The following UBE2J1 variants were observed in gnomAD, a reference collection of about 807,000 sequenced individuals.
The protein encoded by UBE2J1 is ubiquitin-conjugating enzyme E2 J1.
A neutral mutation model predicts 42.1 loss-of-function variants in UBE2J1; 17 were observed. That is an observed-to-expected ratio of 0.40 (90% CI 0.28 to 0.61). The LOEUF (loss-of-function observed/expected upper bound fraction) is 0.61. Ranked by LOEUF, UBE2J1 falls within the 20% of genes least tolerant of loss-of-function variation. UBE2J1 has a pLI of 0.38. For missense variants in UBE2J1, 291 were observed against 389.4 expected (o/e 0.75, Z 2.13); for synonymous variants, 127 against 137.2 (o/e 0.93, Z 0.52).
At chr6:89,348,566 T>C (rs1768406192) in intron 1 of UBE2J1, among the ~76,000 whole-genome samples, 4 of 152,170 alleles carry the variant, frequency 2.6e-5, no homozygotes, top group African/African-American at 7.2e-5. Context: ...AGCAAATGCC[T>C]ACAGAGTGAT....
In UBE2J1 at chr6:89,328,650, A is replaced by G. The variant is rs1767950035; in HGVS notation, c.*1029T>C. 6.6e-6 allele frequency: 1 copy of G among 152,206 alleles called. No homozygotes were observed. The highest frequency in any genetic ancestry group is 2.1e-4 in the South Asian group (1 of 4,834). The allele number at this position is 152,206 out of a possible 1,614,324, so 9.4% of individuals were successfully genotyped here. On this transcript the variant is annotated 3_prime_UTR_variant, in exon 8 of 8. Transcript: ENST00000435041. ...GGCGCTAGCTAGCACTAAGTTATAT[A>G]TTGATTTTTCCACTGAAAATTCTTT...
intron 3 of UBE2J1, among the ~76,000 whole-genome samples, chr6:89,338,855 C>CGG (rs1272821094): frequency 2.0e-5 from 3 of 151,608 alleles, no homozygotes; most frequent in Non-Finnish European, 4.4e-5. Context: ...TTAGTAGAGA[C>CGG]GGGGTTTCAC....
At chr6:89,331,463 GATTT>G (rs1447685744) in intron 7 of UBE2J1, among the ~76,000 whole-genome samples, 4 of 152,024 alleles carry the variant, frequency 2.6e-5, no homozygotes, top group Admixed American at 6.6e-5. Flanking sequence ...TAAACTTCTT[GATTT>G]ATTTAATTGT....
intron 1 of UBE2J1, among the ~76,000 whole-genome samples, chr6:89,346,237 T>C (rs1188413291): frequency 6.6e-6 from 1 of 152,190 alleles, no homozygotes; most frequent in Non-Finnish European, 1.5e-5. Context: ...TTTCTTACTC[T>C]GAACTAAGCC....
rs6552 is a variant in UBE2J1, at chr6:89,328,249, T to A, written c.*1430A>T. 2 of 151,942 alleles carry A rather than the reference T, an allele frequency of 1.3e-5. No homozygotes were observed. Among genetic ancestry groups the A allele is most frequent in the African/African-American group, 2.4e-5 (1 of 41,350 alleles). The allele number at this position is 151,942 out of a possible 1,614,324, so 9.4% of individuals were successfully genotyped here. Reference sequence around the variant, plus strand: ...ATAAACAGGAGTAAAAATTAAATTTTCCTTTAAGACGATTTTACAATTATT... The same window carrying A: ...ATAAACAGGAGTAAAAATTAAATTTACCTTTAAGACGATTTTACAATTATT... On this transcript the variant is annotated 3_prime_UTR_variant, in exon 8 of 8. Transcript: ENST00000435041.
chr6:89,334,942 G>A (rs1386353247), intron 6 of UBE2J1, among the ~76,000 whole-genome samples: 1 of 152,130 alleles, frequency 6.6e-6, no homozygotes, highest in Admixed American at 6.6e-5. Flanking sequence ...GCACAAAGTG[G>A]TTAATTAATA....
At chr6:89,343,034 A>T (rs1326899448) in intron 2 of UBE2J1, among the ~76,000 whole-genome samples, 1 of 152,160 alleles carries the variant, frequency 6.6e-6, no homozygotes, top group Non-Finnish European at 1.5e-5. Flanking sequence ...AGACTGAGAG[A>T]GGCCGAGATG....
At chr6:89,345,851 G>C (rs1180501622) in intron 1 of UBE2J1, among the ~76,000 whole-genome samples, 1 of 151,746 alleles carries the variant, frequency 6.6e-6, no homozygotes, top group African/African-American at 2.4e-5. Context: ...AGGCTGCAGT[G>C]AGCTGAGATC....
intron 7 of UBE2J1, among the ~76,000 whole-genome samples, chr6:89,331,068 G>A (rs868407515): frequency 6.6e-6 from 1 of 152,160 alleles, no homozygotes; most frequent in Non-Finnish European, 1.5e-5. Flanking sequence ...GATGTTATCT[G>A]AGGTATTTAG....
rs767405762 is a variant in UBE2J1 at position 89,333,121 on chromosome 6, G to T, written c.643C>A (p.Pro215Thr). 2 of 1,612,930 alleles carry T rather than the reference G, an allele frequency of 1.2e-6. No homozygotes were observed. The highest frequency in any genetic ancestry group is 1.7e-6 in the Non-Finnish European group (2 of 1,179,356). ...GCCGTAGCACCCTGGAATGTTGTAG[G>T]TATATCATCTTGTAAATCAGTTAGT... ...FSLTDLQDDI[P>T]TTFQGATAST... Residue 215 changes from proline (P) to threonine (T), a missense_variant, in exon 7 of 8, where the codon CCT becomes ACT. Coordinates refer to ENST00000435041, the MANE Select transcript of UBE2J1 (RefSeq NM_016021.3).
At chr6:89,345,495 G>A (rs971463672) in intron 1 of UBE2J1, among the ~76,000 whole-genome samples, 44 of 152,108 alleles carry the variant, frequency 2.9e-4, no homozygotes, top group African/African-American at 1.0e-3. Context: ...CCAGCTACTC[G>A]GGAGGCTGAG....
chr6:89,340,997 G>A (rs1022393986), intron 3 of UBE2J1, among the ~76,000 whole-genome samples: 3 of 151,730 alleles, frequency 2.0e-5, no homozygotes, highest in South Asian at 2.1e-4. Context: ...GGATGGTCTC[G>A]ATCTCCTGAC....
At position 89,329,600 on chromosome 6, in the gene UBE2J1, T is replaced by C. The variant is rs563597609; in HGVS notation, c.*79A>G. 11 of 1,469,910 alleles carry C rather than the reference T, an allele frequency of 7.5e-6. 1 individual carries two copies. Among genetic ancestry groups the C allele is most frequent in the African/African-American group, 5.7e-5 (4 of 70,524 alleles). 91.1% of individuals were successfully genotyped at this position (1,469,910 alleles called of 1,614,324 possible). A position where few individuals can be genotyped will look rare whatever the true frequency, so the allele number is the denominator to read the frequency against. ...GGGTAAATACAAAATAATCTTTTTG[T>C]AAACAATTCTTAGATTATACCCAAT... On this transcript the variant is annotated 3_prime_UTR_variant, in exon 8 of 8. Coordinates refer to ENST00000435041, the MANE Select transcript of UBE2J1 (RefSeq NM_016021.3).
At chr6:89,345,636 G>A (rs985800755) in intron 1 of UBE2J1, among the ~76,000 whole-genome samples, 3 of 151,162 alleles carry the variant, frequency 2.0e-5, no homozygotes, top group Non-Finnish European at 3.0e-5. Context: ...AACCAGGCAC[G>A]GTGGCTTAGG....
At chr6:89,346,721 G>A (rs1416487090) in intron 1 of UBE2J1, among the ~76,000 whole-genome samples, 1 of 152,038 alleles carries the variant, frequency 6.6e-6, no homozygotes, top group Non-Finnish European at 1.5e-5. Flanking sequence ...GAGGGGTAGA[G>A]ACTAGGAATG....
rs749523135 is a variant in UBE2J1 at position 89,338,301 on chromosome 6, G to A, written c.332C>T (p.Ala111Val). ...TWQPSWSIRTALLAIIGFMPT... is the reference protein window; with the variant it reads ...TWQPSWSIRTVLLAIIGFMPT... ...CATAAACCCAATGATGGCTAATAAT[G>A]CTGTCCTTACTGAAATAAAAAAGTA... Residue 111 changes from alanine to valine, a missense_variant, in exon 5 of 8, where the codon GCA becomes GTA. Ala to Val is a moderately conservative substitution (Grantham distance 64). Around this residue, in one of 2 missense-constraint regions of UBE2J1, gnomAD observed 115 missense variants for 193.1 expected, o/e 0.60. Coordinates refer to ENST00000435041, the MANE Select transcript of UBE2J1 (RefSeq NM_016021.3). The A allele has an allele frequency of 6.2e-7, 1 of 1,612,886 alleles. No homozygotes were observed. Among genetic ancestry groups the A allele is most frequent in the Non-Finnish European group, 8.5e-7 (1 of 1,179,358 alleles).
At chr6:89,351,748 T>C (rs1422367489) in intron 1 of UBE2J1, among the ~76,000 whole-genome samples, 1 of 152,168 alleles carries the variant, frequency 6.6e-6, no homozygotes, top group Non-Finnish European at 1.5e-5. Flanking sequence ...AAAAATACCA[T>C]TTAGAGGATC....
At chr6:89,331,440 A>G (rs766666238) in intron 7 of UBE2J1, among the ~76,000 whole-genome samples, 10 of 152,180 alleles carry the variant, frequency 6.6e-5, no homozygotes, top group Non-Finnish European at 1.0e-4. Flanking sequence ...TTATTTGTAC[A>G]CTCTAATTTA....
At chr6:89,333,702 T>A (rs908681834) in intron 6 of UBE2J1, among the ~76,000 whole-genome samples, 1 of 152,234 alleles carries the variant, frequency 6.6e-6, no homozygotes, top group Non-Finnish European at 1.5e-5. Flanking sequence ...TTTTCTTAAG[T>A]CTGAAAAATT....
Sources: allele counts gnomAD v4.1 joint callset (sites outside exome capture counted in the v4.1 genomes callset), GRCh38; gene constraint gnomAD v4.1.1; regional missense constraint gnomAD v4.1.1; transcripts MANE v1.5; gene names NCBI Gene and HGNC (gene_info 2026-07-23, HGNC 2026-07-21).